GIPC2: variants seen among roughly 807,000 people sequenced by gnomAD.
The protein encoded by GIPC2 is GIPC PDZ domain containing family member 2, also known as PDZ domain-containing protein GIPC2.
Under a neutral mutation model 30.6 loss-of-function variants are expected in GIPC2, and 30 were observed. The observed-to-expected ratio is 0.98, with a 90% CI of 0.73 to 1.33. GIPC2 has a LOEUF of 1.33. GIPC2 is among the 40% of genes most tolerant of loss of function. The pLI is 0.00. For missense variants in GIPC2, 414 were observed against 390.3 expected (o/e 1.06, Z -0.51); for synonymous variants, 167 against 150.0 (o/e 1.11, Z -0.83).
intron 1 of GIPC2, among the ~76,000 whole-genome samples, chr1:78,057,424 G>A (rs1476222797): frequency 6.6e-6 from 1 of 152,064 alleles, no homozygotes; most frequent in Non-Finnish European, 1.5e-5. Flanking sequence ...CATATTTATG[G>A]GATATGTGTG....
chr1:78,075,210 G>A (rs754607958), intron 1 of GIPC2, among the ~76,000 whole-genome samples: 11 of 152,214 alleles, frequency 7.2e-5, no homozygotes, highest in African/African-American at 1.9e-4. Flanking sequence ...TAATCCCAGC[G>A]CTTTTGGAGG....
chr1:78,064,873 A>G (rs1457160070), intron 1 of GIPC2, among the ~76,000 whole-genome samples: 1 of 151,430 alleles, frequency 6.6e-6, no homozygotes. Context: ...CCTCCCAAGC[A>G]GCTGGGATTA....
chr1:78,133,398 C>T (rs1571534407), intron 5 of GIPC2, among the ~76,000 whole-genome samples: 1 of 152,254 alleles, frequency 6.6e-6, no homozygotes, highest in South Asian at 2.1e-4. Context: ...AACTACTGAA[C>T]CAAAATCTCC....
intron 2 of GIPC2, among the ~76,000 whole-genome samples, chr1:78,081,108 C>G (rs1352357465): frequency 1.3e-5 from 2 of 152,136 alleles, no homozygotes; most frequent in African/African-American, 4.8e-5. Flanking sequence ...AAGTCTAACC[C>G]TGGTGCCTAC....
At chr1:78,104,445 A>G (rs1048234070) in intron 3 of GIPC2, among the ~76,000 whole-genome samples, 1 of 152,188 alleles carries the variant, frequency 6.6e-6, no homozygotes, top group African/African-American at 2.4e-5. Flanking sequence ...GAAGAATGAC[A>G]TGATGAAGCA....
intron 1 of GIPC2, among the ~76,000 whole-genome samples, chr1:78,058,057 T>C (rs1266463723): frequency 3.9e-5 from 6 of 152,202 alleles, no homozygotes; most frequent in African/African-American, 1.4e-4. Flanking sequence ...TGTTCCATCA[T>C]TTATATGGCC....
At chr1:78,066,110 C>A (rs1661506716) in intron 1 of GIPC2, among the ~76,000 whole-genome samples, 1 of 151,936 alleles carries the variant, frequency 6.6e-6, no homozygotes, top group African/African-American at 2.4e-5. Context: ...AACAGACAAC[C>A]TAGAGAATTG....
intron 3 of GIPC2, among the ~76,000 whole-genome samples, chr1:78,108,678 C>T (rs1176613001): frequency 2.0e-5 from 3 of 152,192 alleles, no homozygotes; most frequent in South Asian, 2.1e-4. Context: ...AAGGGAGTGT[C>T]GTTAAAATCT....
intron 1 of GIPC2, among the ~76,000 whole-genome samples, chr1:78,053,229 A>G (rs568522369): frequency 7.0e-4 from 107 of 152,294 alleles, no homozygotes; most frequent in African/African-American, 2.3e-3. Flanking sequence ...TTGCACATAA[A>G]CAATTGCACA....
intron 1 of GIPC2, among the ~76,000 whole-genome samples, chr1:78,065,948 C>T (rs1661501883): frequency 6.6e-6 from 1 of 152,096 alleles, no homozygotes; most frequent in South Asian, 2.1e-4. Context: ...CCCTGGAAGA[C>T]AACCTAGGCA....
Position 78,137,503 on chromosome 1 carries a change from GAC to G in GIPC2, c.*1765_*1766del, listed in dbSNP as rs1481644302. 6.6e-6 allele frequency: 1 copy of G among 152,090 alleles called. No homozygotes were observed. The highest frequency in any genetic ancestry group is 2.4e-5 in the African/African-American group (1 of 41,428). The allele number at this position is 152,090 out of a possible 1,614,324, so 9.4% of individuals were successfully genotyped here. A position where few individuals can be genotyped will look rare whatever the true frequency, so the allele number is the denominator to read the frequency against. On this transcript the variant is annotated 3_prime_UTR_variant, in exon 6 of 6. Coordinates refer to ENST00000370759, the MANE Select transcript of GIPC2 (RefSeq NM_017655.6). The stretch of plus-strand genomic sequence containing the variant: ...TCCTTCCTTTTTGGGCATGCATAAA[GAC>G]ACACTTGGTGCTGATTCCATGTGAT...
At chr1:78,053,248 A>G (rs1322761313) in intron 1 of GIPC2, among the ~76,000 whole-genome samples, 2 of 152,218 alleles carry the variant, frequency 1.3e-5, no homozygotes, top group Non-Finnish European at 2.9e-5. Flanking sequence ...CAGCATGTCA[A>G]CAGCAGATAA....
At chr1:78,083,735 T>C (rs566441093) in intron 2 of GIPC2, among the ~76,000 whole-genome samples, 12 of 152,352 alleles carry the variant, frequency 7.9e-5, no homozygotes, top group African/African-American at 2.9e-4. Flanking sequence ...GAATGGTTTA[T>C]AGTCTGTTAC....
At chr1:78,080,576 A>T (rs1661806312) in intron 1 of GIPC2, 99 bp from the exon 2 acceptor site, 1 of 676,350 alleles carries the variant, frequency 1.5e-6, no homozygotes, top group African/African-American at 1.8e-5. Flanking sequence ...TTTACATCAT[A>T]AATTGAGGAG....
At chr1:78,081,986 C>T (rs1393226835) in intron 2 of GIPC2, among the ~76,000 whole-genome samples, 1 of 152,148 alleles carries the variant, frequency 6.6e-6, no homozygotes, top group African/African-American at 2.4e-5. Flanking sequence ...TGTGCCCCTT[C>T]CCAGTCAATA....
chr1:78,052,217 C>T lies in GIPC2; in HGVS notation c.240+5883C>T, dbSNP rs148243234. On this transcript the variant is annotated intron_variant, in intron 1 of 5. Transcript: ENST00000370759. ...TCTTGGTGAGGCTAGCACTGATCAT[C>T]TCTAGGTGCAACACTCCCTGTTCCC... Among the ~76,000 whole-genome samples, 124 of 152,304 alleles carry T rather than the reference C, an allele frequency of 8.1e-4. 2 individuals carry two copies. In the East Asian group the frequency reaches 0.023, roughly 29 times the overall value.
intron 4 of GIPC2, among the ~76,000 whole-genome samples, chr1:78,121,149 T>C (rs563353392): frequency 7.2e-5 from 11 of 152,228 alleles, no homozygotes; most frequent in Non-Finnish European, 1.2e-4. Context: ...GAAGGAGAAG[T>C]GACAACTAGA....
At chr1:78,055,016 T>C (rs1295249901) in intron 1 of GIPC2, among the ~76,000 whole-genome samples, 1 of 152,206 alleles carries the variant, frequency 6.6e-6, no homozygotes, top group Non-Finnish European at 1.5e-5. Flanking sequence ...TTTGTATGTA[T>C]GTATATGTCT....
chr1:78,059,226 A>T (rs1464775695), intron 1 of GIPC2, among the ~76,000 whole-genome samples: 1 of 152,242 alleles, frequency 6.6e-6, no homozygotes, highest in African/African-American at 2.4e-5. Flanking sequence ...CCTGTCATCC[A>T]TTGGTAGATT....
Sources: allele counts gnomAD v4.1 joint callset (sites outside exome capture counted in the v4.1 genomes callset), GRCh38; gene constraint gnomAD v4.1.1; transcripts MANE v1.5; gene names NCBI Gene and HGNC (gene_info 2026-07-23, HGNC 2026-07-21).